Variants in ZNF385D observed in about 807,000 individuals in gnomAD.
ZNF385D encodes zinc finger protein 659.
In ZNF385D, 15 loss-of-function variants were observed where a neutral mutation model predicts 35.8. That is an observed-to-expected ratio of 0.42 (90% CI 0.28 to 0.64). The LOEUF (loss-of-function observed/expected upper bound fraction) is 0.64, where lower values mean the gene tolerates loss of function less well. ZNF385D is among the 30% of genes least tolerant of loss of function. The probability of loss-of-function intolerance (pLI) is 0.23; values close to 1 mark genes in which losing one functional copy is unlikely to be tolerated. For missense variants in ZNF385D, 474 were observed against 494.6 expected (o/e 0.96, Z 0.39); for synonymous variants, 212 against 186.8 (o/e 1.13, Z -1.10).
At chr3:21,832,017 C>T (rs1695022113) in intron 3 of ZNF385D, among the ~76,000 whole-genome samples, 1 of 152,138 alleles carries the variant, frequency 6.6e-6, no homozygotes. Flanking sequence ...GCATACCACT[C>T]CAGATTTACT....
chr3:21,916,399 C>G (rs1700194458), intron 3 of ZNF385D, among the ~76,000 whole-genome samples: 1 of 152,058 alleles, frequency 6.6e-6, no homozygotes, highest in African/African-American at 2.4e-5. Flanking sequence ...ATCTGCTTTA[C>G]TGATTCTAAT....
chr3:22,246,824 G>A (rs369322653), intron 2 of ZNF385D, among the ~76,000 whole-genome samples: 74 of 152,052 alleles, frequency 4.9e-4, no homozygotes, highest in African/African-American at 1.1e-3. Flanking sequence ...CCCTAATAAC[G>A]GCTCTCCTTC....
At chr3:21,774,368 C>T (rs2071201436) in intron 3 of ZNF385D, among the ~76,000 whole-genome samples, 1 of 151,848 alleles carries the variant, frequency 6.6e-6, no homozygotes, top group Non-Finnish European at 1.5e-5. Context: ...AGCAAACCAC[C>T]ATGGCACACA....
intron 3 of ZNF385D, among the ~76,000 whole-genome samples, chr3:21,817,592 C>T (rs1400133752): frequency 6.6e-6 from 1 of 152,154 alleles, no homozygotes; most frequent in African/African-American, 2.4e-5. Context: ...CATCACTGGC[C>T]ATCAGAGAAA....
At chr3:22,265,067 T>C (rs1266035269) in intron 2 of ZNF385D, among the ~76,000 whole-genome samples, 2 of 151,930 alleles carry the variant, frequency 1.3e-5, no homozygotes, top group Non-Finnish European at 2.9e-5. Flanking sequence ...TGCTCAGAAT[T>C]ACATCACTGG....
In ZNF385D at chr3:21,665,026, C is replaced by T. The variant is rs1356387508; in HGVS notation, c.25G>A (p.Gly9Ser). The T allele has an allele frequency of 1.2e-6, 2 of 1,607,718 alleles. No individual in the cohort carries two copies. Among genetic ancestry groups the T allele is most frequent in the Non-Finnish European group, 1.7e-6 (2 of 1,177,002 alleles). MRNIMYFGGTCQSPALPAL... is the reference protein window; with the variant it reads MRNIMYFGSTCQSPALPAL... ...GGGAGAGCAGGACTCTGGCATGTACCACCTGTGAAGACCAGAGCAAAGGGA... is the reference window on the plus strand; with the variant it reads ...GGGAGAGCAGGACTCTGGCATGTACTACCTGTGAAGACCAGAGCAAAGGGA... Residue 9 changes from glycine to serine, a missense_variant and splice_region_variant, in exon 2 of 8, where the codon GGT becomes AGT. Transcript: ENST00000281523.
At chr3:21,474,706 G>T (rs1704120306) in intron 4 of ZNF385D, among the ~76,000 whole-genome samples, 1 of 152,088 alleles carries the variant, frequency 6.6e-6, no homozygotes, top group Non-Finnish European at 1.5e-5. Flanking sequence ...ACTTAAATAT[G>T]TATCAAATAT....
chr3:22,306,179 C>T (rs1703203369), intron 2 of ZNF385D, among the ~76,000 whole-genome samples: 1 of 151,986 alleles, frequency 6.6e-6, no homozygotes, highest in Non-Finnish European at 1.5e-5. Flanking sequence ...GGATAAATTG[C>T]CCTTGACTAC....
At chr3:21,911,981 G>A (rs574178198) in intron 3 of ZNF385D, among the ~76,000 whole-genome samples, 1 of 151,900 alleles carries the variant, frequency 6.6e-6, no homozygotes, top group South Asian at 2.1e-4. Context: ...TGAAATTAAT[G>A]AGAATTGAAA....
At chr3:21,910,627 C>T (rs1230512227) in intron 3 of ZNF385D, among the ~76,000 whole-genome samples, 2 of 151,642 alleles carry the variant, frequency 1.3e-5, no homozygotes, top group African/African-American at 2.4e-5. Context: ...CGTTGTATCT[C>T]ATGTATAATA....
At chr3:21,996,857 G>A (rs1054024950) in intron 3 of ZNF385D, among the ~76,000 whole-genome samples, 4 of 152,102 alleles carry the variant, frequency 2.6e-5, no homozygotes, top group Admixed American at 2.0e-4. Context: ...AAAGAGAAGC[G>A]ATTAATTTAT....
At chr3:22,086,904 T>G (rs1576295678) in intron 3 of ZNF385D, among the ~76,000 whole-genome samples, 1 of 150,274 alleles carries the variant, frequency 6.7e-6, no homozygotes, top group African/African-American at 2.5e-5. Flanking sequence ...GGACACAGGG[T>G]GGGGTACATC....
intron 4 of ZNF385D, chr3:21,441,691 G>T: frequency 1.0e-6 from 1 of 985,310 alleles, no homozygotes. Flanking sequence ...CTAACCTCTT[G>T]TGCAGAATGG....
chr3:21,463,621 C>T lies in ZNF385D; in HGVS notation c.440-26418G>A, dbSNP rs1703323994. Among the ~76,000 whole-genome samples the T allele has an allele frequency of 2.6e-5, 4 of 152,132 alleles. No homozygotes were observed. In the South Asian group the frequency reaches 8.3e-4, roughly 32 times the overall value. On this transcript the variant is annotated intron_variant, in intron 4 of 7. Coordinates refer to ENST00000281523, the MANE Select transcript of ZNF385D (RefSeq NM_024697.3). The stretch of plus-strand genomic sequence containing the variant: ...CTCTAGAATGGCTGGCTCGCTTTCT[C>T]TCACCCAAGGCTCCAAGGGGCTAGT...
At position 22,179,043 on chromosome 3, in the gene ZNF385D, G is replaced by C. The variant is rs1695035074; in HGVS notation, c.107-10008C>G. ...TGATGCCTCCAGCTTTGTTCTTTTG[G>C]CTTAGGATTGACTTGGCGATGTGGG... On this transcript the variant is annotated intron_variant, in intron 2 of 5. Coordinates refer to the ZNF385D transcript ENST00000494108. Among the ~76,000 whole-genome samples the C allele has an allele frequency of 2.0e-5, 3 of 152,196 alleles. No homozygotes were observed. The South Asian group carries it at 6.2e-4, about 32-fold the overall frequency.
chr3:21,927,382 G>A (rs1026069880), intron 3 of ZNF385D, among the ~76,000 whole-genome samples: 1 of 152,062 alleles, frequency 6.6e-6, no homozygotes, highest in African/African-American at 2.4e-5. Flanking sequence ...TTGGAGAAAT[G>A]GAAAGTTAGG....
chr3:22,085,407 C>G (rs537561808), intron 3 of ZNF385D, among the ~76,000 whole-genome samples: 12 of 152,102 alleles, frequency 7.9e-5, no homozygotes, highest in Middle Eastern at 3.4e-3. Flanking sequence ...ACCACCGATC[C>G]CACGGAAATA....
intron 3 of ZNF385D, among the ~76,000 whole-genome samples, chr3:22,032,352 C>T (rs1698050005): frequency 6.6e-6 from 1 of 152,118 alleles, no homozygotes. Context: ...GACAAGGCAG[C>T]AGGAGAGAGA....
chr3:21,882,807 T>G (rs75662818), intron 3 of ZNF385D, among the ~76,000 whole-genome samples: 33 of 152,022 alleles, frequency 2.2e-4, no homozygotes, highest in Non-Finnish European at 4.0e-4. Flanking sequence ...TAGCTAATTA[T>G]GTAGAGTTTT....
Sources: gnomAD v4.1 joint callset for allele counts (sites outside exome capture counted in the v4.1 genomes callset) on GRCh38, gnomAD v4.1.1 for gene constraint, MANE v1.5 for transcripts, NCBI Gene and HGNC (gene_info 2026-07-23, HGNC 2026-07-21) for gene names.